BAZ2A: variants seen among roughly 807,000 people sequenced by gnomAD.
BAZ2A encodes bromodomain adjacent to zinc finger domain 2A.
Under a neutral mutation model 199.9 loss-of-function variants are expected in BAZ2A, and 34 were observed. The ratio of observed to expected loss-of-function variants is 0.17; its 90% CI spans 0.13 to 0.23. The LOEUF is 0.23. BAZ2A is among the 10% of genes least tolerant of loss of function. BAZ2A has a pLI of 1.00. For synonymous variants in BAZ2A, 857 were observed against 883.9 expected (o/e 0.97, Z 0.54); for missense variants, 2,002 against 2,391.1 (o/e 0.84, Z 3.39).
chr12:56,616,036 TG>T (rs1472547521), intron 2 of BAZ2A, among the ~76,000 whole-genome samples: 4 of 152,168 alleles, frequency 2.6e-5, no homozygotes, highest in African/African-American at 4.8e-5. Context: ...CCCGAGTAGC[TG>T]GGACCACAGG....
chr12:56,604,727 A>G lies in BAZ2A; in HGVS notation c.2821T>C (p.Cys941Arg). ...TCTACTCCATATGCCATAAGGAAGC[A>G]GCGCAGGATCTCTGACACATTGTCT... Reference protein sequence around the residue: ...TRDNVSEILRCFLMAYGVEPA... With the variant: ...TRDNVSEILRRFLMAYGVEPA... Residue 941 changes from cysteine to arginine, a missense_variant, in exon 15 of 29, where the codon TGC becomes CGC. Physicochemically the swap from Cys to Arg is radical, Grantham distance 180. This residue lies in a region of BAZ2A where 1,081 missense variants were observed against 1,274.7 expected (regional missense o/e 0.85). Transcript: ENST00000549884. 6.2e-7 allele frequency: 1 copy of G among 1,613,940 alleles called. No homozygotes were observed. The highest frequency in any genetic ancestry group is 1.6e-4 in the Middle Eastern group (1 of 6,062).
Position 56,595,597 on chromosome 12 carries a change from T to C in BAZ2A, c.*3021A>G, listed in dbSNP as rs1885705451. 2.6e-5 allele frequency: 4 copies of C among 151,888 alleles called. No homozygotes were observed. Among genetic ancestry groups the C allele is most frequent in the African/African-American group, 9.7e-5 (4 of 41,328 alleles). The allele number at this position is 151,888 out of a possible 1,614,324, so 9.4% of individuals were successfully genotyped here. On this transcript the variant is annotated 3_prime_UTR_variant, in exon 29 of 29. Coordinates refer to ENST00000549884, the MANE Select transcript of BAZ2A (RefSeq NM_001300905.2). ...TTTTTTTTTAAATAAAACACAAAAGTCTACGTCTTGGTGTCTTATCCGTGA... is the reference window on the plus strand; with the variant it reads ...TTTTTTTTTAAATAAAACACAAAAGCCTACGTCTTGGTGTCTTATCCGTGA...
Position 56,614,043 on chromosome 12 carries a change from A to T in BAZ2A, c.826T>A (p.Leu276Ile), listed in dbSNP as rs1252617277. The T allele has an allele frequency of 6.2e-7, 1 of 1,613,992 alleles. No individual in the cohort carries two copies. Among genetic ancestry groups the T allele is most frequent in the Admixed American group, 1.7e-5 (1 of 60,026 alleles). Residue 276 changes from leucine (L) to isoleucine (I), a missense_variant, in exon 4 of 29, where the codon TTA (leucine) becomes ATA (isoleucine). Coordinates refer to ENST00000549884, the MANE Select transcript of BAZ2A (RefSeq NM_001300905.2). Reference sequence around the variant, plus strand: ...TCAGGAAGATGTGAAGGATCATCTAAACAGCTCACTGTGGGGTCAGGGACC... The same window carrying T: ...TCAGGAAGATGTGAAGGATCATCTATACAGCTCACTGTGGGGTCAGGGACC... ...VLVPDPTVSCLDDPSHLPDQL... is the reference protein window; with the variant it reads ...VLVPDPTVSCIDDPSHLPDQL...
In BAZ2A at chr12:56,614,996, T is replaced by C; in HGVS notation, c.730+18A>G. The stretch of plus-strand genomic sequence containing the variant: ...TCCATTTTTCCTTTCCCCACCCAGT[T>C]CACCAACCCAGTTATACCTGGCTGC... On this transcript the variant is annotated intron_variant, in intron 3 of 28. Coordinates refer to ENST00000549884, the MANE Select transcript of BAZ2A (RefSeq NM_001300905.2). 2 of 1,601,552 alleles carry C rather than the reference T, an allele frequency of 1.2e-6. No homozygotes were observed. Among genetic ancestry groups the C allele is most frequent in the Non-Finnish European group, 1.7e-6 (2 of 1,174,102 alleles).
Position 56,608,867 on chromosome 12 carries a change from C to CTTTT in BAZ2A, c.2092+865_2092+868dup, listed in dbSNP as rs67765071. ...TACAGGCGTGAGCCACCGTGCCTGG[C>CTTTT]TTTTTTTTTTTTTTTTTTTTTTTTT... is the stretch of plus-strand genomic sequence containing the variant. On this transcript the variant is annotated intron_variant, in intron 10 of 28. Coordinates refer to ENST00000549884, the MANE Select transcript of BAZ2A (RefSeq NM_001300905.2). 8.4e-4 allele frequency among the ~76,000 whole-genome samples: 59 copies of CTTTT among 69,900 alleles called. 3 individuals are homozygous for CTTTT. Among genetic ancestry groups the CTTTT allele is most frequent in the East Asian group, 1.4e-3 (4 of 2,800 alleles). The allele number at this position is 69,900 out of a possible 152,430, so 45.9% of individuals were successfully genotyped here.
chr12:56,637,064 T>C (rs1465297135), upstream of BAZ2A, among the ~76,000 whole-genome samples: 1 of 152,180 alleles, frequency 6.6e-6, no homozygotes, highest in Non-Finnish European at 1.5e-5. Context: ...AGCTTATAGA[T>C]ACAGGCTCCT....
At chr12:56,634,958 G>T, upstream of BAZ2A, 1 of 985,058 alleles carries the variant, frequency 1.0e-6, no homozygotes, top group Non-Finnish European at 1.2e-6. Context: ...GAGCAGGGCC[G>T]GGCCGCAGGC....
chr12:56,604,827 G>T, intron 14 of BAZ2A, 28 bp from the exon 15 acceptor site: 1 of 1,603,372 alleles, frequency 6.2e-7, no homozygotes, highest in South Asian at 1.1e-5. Flanking sequence ...TAATGGGGGT[G>T]AGTAGGGAAA....
chr12:56,598,481 G>C lies in BAZ2A; in HGVS notation c.*137C>G. ...TAGGAATAAGAGGATGTGGGGCACT[G>C]CCAAGGGCAAGGTCAAAAATCAGGG... On this transcript the variant is annotated 3_prime_UTR_variant, in exon 29 of 29. Transcript: ENST00000549884. 1 of 1,165,112 alleles carries C rather than the reference G, an allele frequency of 8.6e-7. No individual in the cohort carries two copies. Among genetic ancestry groups the C allele is most frequent in the Non-Finnish European group, 1.2e-6 (1 of 841,850 alleles). 72.2% of individuals were successfully genotyped at this position (1,165,112 alleles called of 1,614,324 possible). A position where few individuals can be genotyped will look rare whatever the true frequency, so the allele number is the denominator to read the frequency against.
intron 3 of BAZ2A, 128 bp from the exon 4 acceptor site, chr12:56,614,266 T>C (rs1950647378): frequency 1.0e-6 from 1 of 957,180 alleles, no homozygotes; most frequent in Non-Finnish European, 1.6e-6. Flanking sequence ...GCCAGTTCAT[T>C]GCTGGGAACC....
intron 5 of BAZ2A, 110 bp from the exon 6 acceptor site, chr12:56,612,356 G>C: frequency 1.1e-5 from 10 of 934,840 alleles, no homozygotes; most frequent in Admixed American, 2.8e-5. Context: ...TACTTCAAGG[G>C]GTCTTCCCTA....
chr12:56,636,385 G>A (rs1414883347), upstream of BAZ2A: 5 of 1,391,914 alleles, frequency 3.6e-6, no homozygotes, highest in Admixed American at 2.9e-5. Flanking sequence ...AGACTGGGGT[G>A]GGGAGGGAGG....
chr12:56,627,344 G>A (rs975641879), intron 1 of BAZ2A, among the ~76,000 whole-genome samples: 3 of 151,802 alleles, frequency 2.0e-5, no homozygotes, highest in South Asian at 2.1e-4. Context: ...GCGCATGCCT[G>A]TAATTCCAGC....
intron 11 of BAZ2A, 84 bp downstream of exon 11, chr12:56,606,549 G>A: frequency 7.3e-7 from 1 of 1,366,222 alleles, no homozygotes; most frequent in Non-Finnish European, 1.0e-6. Context: ...CACAGGGAGT[G>A]ACGGATGTGG....
rs1305211859 is a variant in BAZ2A, at chr12:56,614,101, A to G, written c.768T>C (p.Ser256=). ...KMCGYNGSVP[S]VESLHQEVSV... ...AGACCTCTTGGTGTAACGATTCCAC[A>G]GAAGGGACAGAGCCATTGTAGCCAC... Residue 256 remains serine, a synonymous_variant, in exon 4 of 29, where the codon TCT becomes TCC. Transcript: ENST00000549884. The G allele has an allele frequency of 5.0e-6, 8 of 1,613,904 alleles. No homozygotes were observed. In the Admixed American group the frequency reaches 1.3e-4, roughly 27 times the overall value.
At chr12:56,636,153 C>A (rs995195526) in intron 1 of BAZ2A, 1 of 1,582,786 alleles carries the variant, frequency 6.3e-7, no homozygotes, top group African/African-American at 1.3e-5. Flanking sequence ...ATCCCTCAGG[C>A]CTTCCCCGGG....
intron 16 of BAZ2A, 110 bp downstream of exon 16, chr12:56,604,107 C>T (rs907207517): frequency 5.4e-6 from 6 of 1,105,514 alleles, no homozygotes; most frequent in Non-Finnish European, 8.0e-6. Context: ...GGTAAGGTCC[C>T]AAACCCAGGG....
rs1040186866 is a variant in BAZ2A, at chr12:56,609,619, C to A, written c.2092+117G>T. 8 of 1,142,418 alleles carry A rather than the reference C, an allele frequency of 7.0e-6. No individual in the cohort carries two copies. The African/African-American group carries it at 1.2e-4, about 18-fold the overall frequency. 70.8% of individuals were successfully genotyped at this position (1,142,418 alleles called of 1,614,324 possible). A position where few individuals can be genotyped will look rare whatever the true frequency, so the allele number is the denominator to read the frequency against. ...TTCCAAGGAGAAGCTGATTCAGATT[C>A]ATTCTTCCCAGATAATGTTAGTTAC... On this transcript the variant is annotated intron_variant, in intron 10 of 28. Coordinates refer to ENST00000549884, the MANE Select transcript of BAZ2A (RefSeq NM_001300905.2).
intron 10 of BAZ2A, among the ~76,000 whole-genome samples, 156 bp from the exon 11 acceptor site, chr12:56,606,889 T>C (rs1379350743): frequency 6.8e-6 from 1 of 148,072 alleles, no homozygotes; most frequent in South Asian, 2.3e-4. Flanking sequence ...TAATAAAACA[T>C]TGGGGGAAAA....
Sources: gnomAD v4.1 joint callset for allele counts (sites outside exome capture counted in the v4.1 genomes callset) on GRCh38, gnomAD v4.1.1 for gene constraint, gnomAD v4.1.1 regional missense constraint, MANE v1.5 for transcripts, NCBI Gene and HGNC (gene_info 2026-07-23, HGNC 2026-07-21) for gene names.